Variants in CNTN5 observed in about 807,000 individuals in gnomAD.
The protein encoded by CNTN5 is contactin-5.
Under a neutral mutation model 129.1 loss-of-function variants are expected in CNTN5, and 77 were observed. The observed-to-expected ratio is 0.60, with a 90% CI of 0.50 to 0.72. The LOEUF is 0.72. Among genes scored for constraint, CNTN5 ranks in the 30% least tolerant of loss-of-function variants. The probability of loss-of-function intolerance (pLI) is 0.00; values close to 1 mark genes in which losing one functional copy is unlikely to be tolerated. For missense variants in CNTN5, 1,478 were observed against 1,328.8 expected, an observed-to-expected ratio of 1.11 and a Z score of -1.75; for synonymous variants, 509 against 465.6, an observed-to-expected ratio of 1.09 and a Z score of -1.20.
At chr11:100,311,783 C>T (rs2138932351) in intron 21 of CNTN5, among the ~76,000 whole-genome samples, 1 of 151,990 alleles carries the variant, frequency 6.6e-6, no homozygotes, top group African/African-American at 2.4e-5. Context: ...CATAAGTAAC[C>T]TTGATGAGAG....
At chr11:100,039,224 A>T (rs546270302) in intron 9 of CNTN5, among the ~76,000 whole-genome samples, 2 of 152,216 alleles carry the variant, frequency 1.3e-5, no homozygotes, top group East Asian at 3.9e-4. Flanking sequence ...TCCTTTACTT[A>T]TGAAGCTTAA....
At chr11:100,294,743 A>G (rs1325374095) in intron 18 of CNTN5, among the ~76,000 whole-genome samples, 1 of 151,686 alleles carries the variant, frequency 6.6e-6, no homozygotes, top group Non-Finnish European at 1.5e-5. Context: ...GCTTCTAGCA[A>G]GAATTATAGA....
At chr11:99,857,618 A>G (rs1458260519) in intron 6 of CNTN5, among the ~76,000 whole-genome samples, 1 of 152,160 alleles carries the variant, frequency 6.6e-6, no homozygotes, top group Non-Finnish European at 1.5e-5. Flanking sequence ...AACCATTTTA[A>G]TGCAGTAATA....
At chr11:99,520,775 A>T (rs2135437779) in intron 2 of CNTN5, among the ~76,000 whole-genome samples, 1 of 152,214 alleles carries the variant, frequency 6.6e-6, no homozygotes. Context: ...TGGTCCAAAA[A>T]TTTTTTACCA....
At chr11:100,276,117 A>T (rs1263316251) in intron 18 of CNTN5, among the ~76,000 whole-genome samples, 1 of 152,218 alleles carries the variant, frequency 6.6e-6, no homozygotes. Flanking sequence ...CTTATTTAAT[A>T]GAATATTCTA....
In CNTN5 at chr11:100,356,256, C is replaced by T; in HGVS notation, c.*36C>T. 1 of 1,385,662 alleles carries T rather than the reference C, an allele frequency of 7.2e-7. No homozygotes were observed. The highest frequency in any genetic ancestry group is 1.0e-6 in the Non-Finnish European group (1 of 986,488). The allele number at this position is 1,385,662 out of a possible 1,614,324, so 85.8% of individuals were successfully genotyped here. A position where few individuals can be genotyped will look rare whatever the true frequency, so the allele number is the denominator to read the frequency against. On this transcript the variant is annotated 3_prime_UTR_variant, in exon 25 of 25. Transcript: ENST00000524871. ...CTTAATTTGCTTTTGTTTGCTTTAG[C>T]TTGGTAACAGCGGTGAATAGAGTGT...
chr11:99,561,268 CA>C (rs904474670), intron 3 of CNTN5, among the ~76,000 whole-genome samples: 2 of 151,732 alleles, frequency 1.3e-5, no homozygotes, highest in African/African-American at 4.8e-5. Context: ...TCCCAGTAAC[CA>C]AAACTGGGAC....
At chr11:99,619,948 C>A (rs1443935297) in intron 3 of CNTN5, among the ~76,000 whole-genome samples, 4 of 146,594 alleles carry the variant, frequency 2.7e-5, no homozygotes, top group Non-Finnish European at 5.9e-5. Flanking sequence ...ATGGCGTGAA[C>A]CCGGGAGGCG....
chr11:99,437,433 TTAAAGTA>T (rs1195507253), intron 2 of CNTN5, among the ~76,000 whole-genome samples: 3 of 152,200 alleles, frequency 2.0e-5, no homozygotes, highest in African/African-American at 4.8e-5. Context: ...GAAAGTCTGA[TTAAAGTA>T]TAATTTTAAG....
At chr11:100,124,562 C>A (rs960615760) in intron 13 of CNTN5, among the ~76,000 whole-genome samples, 2 of 151,998 alleles carry the variant, frequency 1.3e-5, no homozygotes, top group Non-Finnish European at 2.9e-5. Flanking sequence ...AGACAGATTT[C>A]TGGCAATGAG....
intron 13 of CNTN5, among the ~76,000 whole-genome samples, chr11:100,114,054 T>C (rs1394443498): frequency 1.3e-5 from 2 of 152,112 alleles, no homozygotes; most frequent in Admixed American, 1.3e-4. Context: ...GTAAGTATCT[T>C]ATTCTACCAC....
At chr11:99,799,672 A>G (rs1946054263) in intron 3 of CNTN5, among the ~76,000 whole-genome samples, 1 of 151,862 alleles carries the variant, frequency 6.6e-6, no homozygotes, top group Non-Finnish European at 1.5e-5. Flanking sequence ...ATTTTTGCAT[A>G]TATGTTTATC....
intron 3 of CNTN5, among the ~76,000 whole-genome samples, chr11:99,713,030 C>G (rs620371): frequency 0.7 from 106,041 of 151,920 alleles, 37,078 homozygotes; most frequent in Middle Eastern, 0.79. Flanking sequence ...GAAAGTCAGC[C>G]GTAGTTTGAT....
chr11:99,344,854 A>G (rs1379131010), intron 2 of CNTN5, among the ~76,000 whole-genome samples: 3 of 152,210 alleles, frequency 2.0e-5, no homozygotes, highest in Non-Finnish European at 4.4e-5. Flanking sequence ...AAGGCCCCTT[A>G]AAATCTAGTT....
At chr11:99,512,153 G>A (rs1027403819) in intron 2 of CNTN5, among the ~76,000 whole-genome samples, 5 of 152,158 alleles carry the variant, frequency 3.3e-5, no homozygotes, top group East Asian at 3.9e-4. Flanking sequence ...CAACCCTGCC[G>A]CCTCCATTCA....
At chr11:100,277,666 T>C (rs1950544042) in intron 18 of CNTN5, among the ~76,000 whole-genome samples, 1 of 151,796 alleles carries the variant, frequency 6.6e-6, no homozygotes, top group Non-Finnish European at 1.5e-5. Flanking sequence ...GAATTGGGTT[T>C]TTTTTATTTT....
intron 7 of CNTN5, among the ~76,000 whole-genome samples, chr11:99,939,659 A>T (rs1039020903): frequency 1.3e-5 from 2 of 152,136 alleles, no homozygotes; most frequent in Non-Finnish European, 2.9e-5. Context: ...ATAGAAAAAA[A>T]TAGGGCCCAA....
intron 2 of CNTN5, among the ~76,000 whole-genome samples, chr11:99,327,197 A>G (rs538267637): frequency 1.3e-5 from 2 of 152,276 alleles, no homozygotes; most frequent in South Asian, 2.1e-4. Flanking sequence ...GAACCACTGA[A>G]CACAGCACAG....
At chr11:99,320,552 A>T (rs1238247762) in intron 1 of CNTN5, among the ~76,000 whole-genome samples, 1 of 152,184 alleles carries the variant, frequency 6.6e-6, no homozygotes, top group African/African-American at 2.4e-5. Context: ...AGAATCAAAC[A>T]CGGAGGAATT....
Sources: gnomAD v4.1 joint callset for allele counts (sites outside exome capture counted in the v4.1 genomes callset) on GRCh38, gnomAD v4.1.1 for gene constraint, MANE v1.5 for transcripts, NCBI Gene and HGNC (gene_info 2026-07-23, HGNC 2026-07-21) for gene names.